The following CCSER1 variants were observed in gnomAD, a reference collection of about 807,000 sequenced individuals.
CCSER1 encodes the protein serine-rich coiled-coil domain-containing protein 1.
In CCSER1, 41 loss-of-function variants were observed where a neutral mutation model predicts 82.0. The ratio of observed to expected loss-of-function variants is 0.50; its 90% CI spans 0.39 to 0.65. The LOEUF (loss-of-function observed/expected upper bound fraction) is 0.65, where lower values mean the gene tolerates loss of function less well. CCSER1 is among the 30% of genes least tolerant of loss of function. The pLI, the probability that CCSER1 is intolerant of heterozygous loss-of-function variation, is 0.00. For synonymous variants in CCSER1, 414 were observed against 383.9 expected (o/e 1.08, Z -0.92); for missense variants, 1,119 against 1,064.2 (o/e 1.05, Z -0.72).
At chr4:91,554,905 G>C (rs1762332767) in intron 10 of CCSER1, among the ~76,000 whole-genome samples, 1 of 151,206 alleles carries the variant, frequency 6.6e-6, no homozygotes. Context: ...TTTGATATTT[G>C]ACAAAGGTGC....
chr4:91,228,167 G>A (rs922808856), intron 10 of CCSER1, among the ~76,000 whole-genome samples: 2 of 152,112 alleles, frequency 1.3e-5, no homozygotes, highest in Non-Finnish European at 2.9e-5. Flanking sequence ...TGAGAAGACC[G>A]ACAATTGTCA....
chr4:90,773,117 T>A (rs75038646), intron 7 of CCSER1, among the ~76,000 whole-genome samples: 49,544 of 151,968 alleles, frequency 0.33, 9,581 homozygotes, highest in African/African-American at 0.55. Flanking sequence ...GTGCATGCCC[T>A]TAATCCTAGC....
At chr4:91,064,153 C>T (rs1744173925) in intron 9 of CCSER1, among the ~76,000 whole-genome samples, 1 of 152,118 alleles carries the variant, frequency 6.6e-6, no homozygotes, top group Admixed American at 6.6e-5. Flanking sequence ...TTAATTTTTT[C>T]TGTGTAACAT....
intron 10 of CCSER1, among the ~76,000 whole-genome samples, chr4:91,541,305 T>A (rs1761582771): frequency 6.6e-6 from 1 of 152,226 alleles, no homozygotes. Context: ...TGTATACATG[T>A]GCCATGTTGG....
At chr4:90,667,155 G>T (rs1731942132) in intron 6 of CCSER1, among the ~76,000 whole-genome samples, 1 of 152,082 alleles carries the variant, frequency 6.6e-6, no homozygotes, top group Non-Finnish European at 1.5e-5. Flanking sequence ...CACCATAGTG[G>T]TTAGGAATAC....
At chr4:91,255,608 C>A (rs982524576) in intron 10 of CCSER1, among the ~76,000 whole-genome samples, 1 of 152,128 alleles carries the variant, frequency 6.6e-6, no homozygotes, top group Non-Finnish European at 1.5e-5. Flanking sequence ...AAGTCAGGGA[C>A]ACCGAAAGGA....
At position 91,445,036 on chromosome 4, in the gene CCSER1, G is replaced by C. The variant is rs568486430; in HGVS notation, c.2218-153536G>C. 2.0e-5 allele frequency among the ~76,000 whole-genome samples: 3 copies of C among 152,234 alleles called. No individual in the cohort carries two copies. In the South Asian group the frequency reaches 6.2e-4, roughly 32 times the overall value. On this transcript the variant is annotated intron_variant, in intron 10 of 10. Coordinates refer to ENST00000509176, the MANE Select transcript of CCSER1 (RefSeq NM_001145065.2). ...GATACAAATGTGTCTACATTATACT[G>C]TAAAGATGTTCCTGAAAATGTGAGT...
chr4:90,312,838 T>A, intron 2 of CCSER1, 25 bp from the exon 3 acceptor site: 2 of 1,480,108 alleles, frequency 1.4e-6, no homozygotes, highest in Non-Finnish European at 1.8e-6. Context: ...TTTACCTTCA[T>A]TTTTATTTAT....
intron 10 of CCSER1, among the ~76,000 whole-genome samples, chr4:91,291,955 A>G (rs187528009): frequency 1.6e-3 from 251 of 152,218 alleles, no homozygotes; most frequent in African/African-American, 5.8e-3. Context: ...GCAGACTTCT[A>G]ACTCATTTGT....
intron 1 of CCSER1, among the ~76,000 whole-genome samples, chr4:90,157,263 C>T (rs1260381424): frequency 6.6e-6 from 1 of 152,188 alleles, no homozygotes; most frequent in East Asian, 1.9e-4. Context: ...TGATGGGCTT[C>T]CCTTTGTGAG....
intron 4 of CCSER1, among the ~76,000 whole-genome samples, chr4:90,415,642 G>A (rs1041321741): frequency 6.6e-6 from 1 of 152,136 alleles, no homozygotes; most frequent in South Asian, 2.1e-4. Flanking sequence ...TAAATATTAA[G>A]CAATGCATAT....
intron 9 of CCSER1, among the ~76,000 whole-genome samples, chr4:91,009,306 G>A (rs894687710): frequency 4.6e-5 from 7 of 152,174 alleles, no homozygotes; most frequent in Non-Finnish European, 1.0e-4. Context: ...TTTATATCCC[G>A]ATCATTGTCC....
At chr4:91,264,968 T>G (rs1458995512) in intron 10 of CCSER1, among the ~76,000 whole-genome samples, 1 of 152,078 alleles carries the variant, frequency 6.6e-6, no homozygotes, top group Non-Finnish European at 1.5e-5. Context: ...TTTGTTTTTC[T>G]TTCTGTTGTT....
rs569781190 is a variant in CCSER1 at position 90,925,304 on chromosome 4, A to G, written c.2172+1857A>G. On this transcript the variant is annotated intron_variant, in intron 9 of 10. Transcript: ENST00000509176. Reference sequence around the variant, plus strand: ...AATGAAGTCACTTTTTTACTACTACATGACGTTTGTTGGGAGTCTAGTCTT... The same window carrying G: ...AATGAAGTCACTTTTTTACTACTACGTGACGTTTGTTGGGAGTCTAGTCTT... 7.2e-5 allele frequency among the ~76,000 whole-genome samples: 11 copies of G among 152,298 alleles called. No individual in the cohort carries two copies. In the South Asian group the frequency reaches 2.3e-3, roughly 32 times the overall value.
intron 10 of CCSER1, among the ~76,000 whole-genome samples, chr4:91,521,229 G>T (rs980327779): frequency 1.3e-5 from 2 of 152,132 alleles, no homozygotes; most frequent in Admixed American, 1.3e-4. Flanking sequence ...ATTTTTTATG[G>T]CTGCATAGTA....
At chr4:90,555,069 G>T (rs1423311063) in intron 5 of CCSER1, among the ~76,000 whole-genome samples, 2 of 151,966 alleles carry the variant, frequency 1.3e-5, no homozygotes, top group African/African-American at 4.8e-5. Context: ...TGGGAAGTTT[G>T]CTGTAATGCA....
intron 10 of CCSER1, among the ~76,000 whole-genome samples, chr4:91,487,434 T>C (rs1199609432): frequency 6.6e-6 from 1 of 152,150 alleles, no homozygotes; most frequent in African/African-American, 2.4e-5. Context: ...CAAAGAGTCA[T>C]GTTACAGAAT....
intron 10 of CCSER1, among the ~76,000 whole-genome samples, chr4:91,404,460 C>A (rs1034970779): frequency 6.6e-6 from 1 of 152,094 alleles, no homozygotes; most frequent in Non-Finnish European, 1.5e-5. Context: ...TTTGCTCTTG[C>A]TTCTCTAGTT....
chr4:90,218,018 C>A (rs1741427011), intron 1 of CCSER1, among the ~76,000 whole-genome samples: 1 of 151,976 alleles, frequency 6.6e-6, no homozygotes, highest in African/African-American at 2.4e-5. Flanking sequence ...CCAAGCTGGT[C>A]TCAAACTCCT....
Sources: allele counts gnomAD v4.1 joint callset (sites outside exome capture counted in the v4.1 genomes callset), GRCh38; gene constraint gnomAD v4.1.1; transcripts MANE v1.5; gene names NCBI Gene and HGNC (gene_info 2026-07-23, HGNC 2026-07-21).